PALLD: variants seen among roughly 807,000 people sequenced by gnomAD.
The protein encoded by PALLD is palladin.
A neutral mutation model predicts 123.5 loss-of-function variants in PALLD; 61 were observed. The observed-to-expected ratio is 0.49, with a 90% confidence interval of 0.40 to 0.61. PALLD has a LOEUF of 0.61. PALLD is among the 20% of genes least tolerant of loss of function. PALLD has a pLI of 0.00. For missense variants in PALLD, 1,273 were observed against 1,377.0 expected, an observed-to-expected ratio of 0.92 and a Z score of 1.20; for synonymous variants, 465 against 496.4, an observed-to-expected ratio of 0.94 and a Z score of 0.84.
chr4:168,555,626 T>C (rs959242981), intron 2 of PALLD, among the ~76,000 whole-genome samples: 27 of 152,226 alleles, frequency 1.8e-4, no homozygotes, highest in African/African-American at 6.5e-4. Context: ...TTCTCCACTT[T>C]CTGTTACACA....
At chr4:168,622,037 A>G (rs975065273) in intron 2 of PALLD, among the ~76,000 whole-genome samples, 7 of 152,206 alleles carry the variant, frequency 4.6e-5, no homozygotes, top group Admixed American at 2.6e-4. Context: ...AGGAAAGTAA[A>G]AAATTCTTCC....
intron 10 of PALLD, among the ~76,000 whole-genome samples, chr4:168,866,163 G>A (rs75165877): frequency 6.6e-6 from 1 of 152,078 alleles, no homozygotes; most frequent in Non-Finnish European, 1.5e-5. Flanking sequence ...TGCTCATGAG[G>A]CTGAGGCAGA....
At chr4:168,889,140 G>T (rs1420470639) in intron 10 of PALLD, among the ~76,000 whole-genome samples, 2 of 141,686 alleles carry the variant, frequency 1.4e-5, no homozygotes, top group East Asian at 4.1e-4. Context: ...GCTTTATTTT[G>T]TGTGTGTGTG....
chr4:168,556,290 C>A lies in PALLD; in HGVS notation c.908+43878C>A, dbSNP rs373875200. On this transcript the variant is annotated intron_variant, in intron 2 of 21. Transcript: ENST00000505667. ...TTTTGTATTTTTAGTAGAAACGGGG[C>A]TTCACCGTGTTAGCCAGGATGCTCT... 3.6e-4 allele frequency among the ~76,000 whole-genome samples: 54 copies of A among 152,046 alleles called. No individual in the cohort carries two copies. In the South Asian group the frequency reaches 0.011, roughly 31 times the overall value.
At chr4:168,526,028 T>G (rs1764011516) in intron 2 of PALLD, among the ~76,000 whole-genome samples, 1 of 152,214 alleles carries the variant, frequency 6.6e-6, no homozygotes, top group African/African-American at 2.4e-5. Context: ...CATTTGTTCA[T>G]CCAGTGCACT....
At chr4:168,655,595 G>T (rs549429625) in intron 2 of PALLD, among the ~76,000 whole-genome samples, 46 of 152,210 alleles carry the variant, frequency 3.0e-4, no homozygotes, top group Non-Finnish European at 5.4e-4. Flanking sequence ...TTGGAGAACA[G>T]ATGAAAAATA....
At chr4:168,510,360 T>C (rs1762420381) in intron 1 of PALLD, among the ~76,000 whole-genome samples, 1 of 152,212 alleles carries the variant, frequency 6.6e-6, no homozygotes, top group South Asian at 2.1e-4. Flanking sequence ...TCTCATGCCC[T>C]TTAAGATTAG....
intron 1 of PALLD, among the ~76,000 whole-genome samples, chr4:168,503,112 G>A (rs1761599120): frequency 7.7e-6 from 1 of 129,412 alleles, no homozygotes; most frequent in Admixed American, 7.7e-5. Flanking sequence ...GTAACCCAGT[G>A]TGCTAAGCAT....
chr4:168,878,081 GC>G, intron 10 of PALLD: 1 of 1,445,002 alleles, frequency 6.9e-7, no homozygotes, highest in South Asian at 1.4e-5. Flanking sequence ...GTTCGGCCGC[GC>G]CCCCGTGCCG....
Position 168,668,235 on chromosome 4 carries a change from A to T in PALLD, c.954A>T (p.Gln318His), listed in dbSNP as rs780809542. The T allele has an allele frequency of 6.2e-7, 1 of 1,614,178 alleles. No homozygotes were observed. Among genetic ancestry groups the T allele is most frequent in the East Asian group, 2.2e-5 (1 of 44,874 alleles). Residue 318 changes from glutamine to histidine, a missense_variant, in exon 3 of 22, where the codon CAA (glutamine) becomes CAT (histidine). By Grantham distance (24) the Gln-to-His change is conservative (BLOSUM62 0). Coordinates refer to ENST00000505667, the MANE Select transcript of PALLD (RefSeq NM_001166108.2). ...AACTGCACAACACTCCTGATATTCA[A>T]ATCCACTGTGAGGGAGGGGACCTCC... ...GKELHNTPDI[Q>H]IHCEGGDLHT...
chr4:168,629,080 G>A (rs144240167), intron 2 of PALLD, among the ~76,000 whole-genome samples: 26 of 150,506 alleles, frequency 1.7e-4, no homozygotes, highest in East Asian at 9.8e-4. Flanking sequence ...ATAATGACGC[G>A]ATCTCAGCTC....
chr4:168,712,047 G>A, intron 10 of PALLD, 124 bp downstream of exon 10: 1 of 750,566 alleles, frequency 1.3e-6, no homozygotes, highest in Non-Finnish European at 2.3e-6. Context: ...ATGGGACCTT[G>A]CTGCCAAGTG....
intron 9 of PALLD, among the ~76,000 whole-genome samples, chr4:168,710,943 G>A (rs1043248873): frequency 1.3e-5 from 2 of 151,586 alleles, no homozygotes; most frequent in Non-Finnish European, 2.9e-5. Context: ...GCATTTTTGA[G>A]TGCATGCCAG....
intron 10 of PALLD, among the ~76,000 whole-genome samples, chr4:168,800,998 G>T (rs1739245139): frequency 6.6e-6 from 1 of 152,052 alleles, no homozygotes; most frequent in Non-Finnish European, 1.5e-5. Context: ...TAGAACAAAA[G>T]CATACAGACA....
intron 10 of PALLD, among the ~76,000 whole-genome samples, chr4:168,772,867 G>A (rs1257086315): frequency 2.0e-5 from 3 of 152,118 alleles, no homozygotes; most frequent in Non-Finnish European, 2.9e-5. Context: ...AGGAGTGAGC[G>A]AGGAATGAAA....
chr4:168,733,089 T>C (rs1787339746), intron 10 of PALLD, among the ~76,000 whole-genome samples: 1 of 152,228 alleles, frequency 6.6e-6, no homozygotes, highest in Non-Finnish European at 1.5e-5. Flanking sequence ...GGGGGGTACA[T>C]GTGATATTTT....
At chr4:168,799,671 A>G (rs1739035174) in intron 10 of PALLD, among the ~76,000 whole-genome samples, 1 of 152,242 alleles carries the variant, frequency 6.6e-6, no homozygotes, top group Non-Finnish European at 1.5e-5. Flanking sequence ...GTGTAAAATA[A>G]TTGACAATCA....
chr4:168,671,722 A>G (rs185224751), intron 3 of PALLD, among the ~76,000 whole-genome samples: 2 of 152,354 alleles, frequency 1.3e-5, no homozygotes, highest in East Asian at 3.9e-4. Context: ...GCCTCAACTT[A>G]TGACTCAAAG....
At chr4:168,695,895 C>T (rs1783085268) in intron 8 of PALLD, among the ~76,000 whole-genome samples, 1 of 152,072 alleles carries the variant, frequency 6.6e-6, no homozygotes, top group South Asian at 2.1e-4. Context: ...TATTGAGAAA[C>T]TTAGAGTCCC....
Sources: gnomAD v4.1 joint callset for allele counts (sites outside exome capture counted in the v4.1 genomes callset) on GRCh38, gnomAD v4.1.1 for gene constraint, MANE v1.5 for transcripts, NCBI Gene and HGNC (gene_info 2026-07-23, HGNC 2026-07-21) for gene names.